The following CDKN2C variants were observed in gnomAD, a reference collection of about 807,000 sequenced individuals.
The protein encoded by CDKN2C is cyclin-dependent kinase 4 inhibitor C.
A neutral mutation model predicts 11.0 loss-of-function variants in CDKN2C; 5 were observed. The observed-to-expected ratio is 0.45, with a 90% confidence interval of 0.24 to 0.95. The LOEUF (loss-of-function observed/expected upper bound fraction) is 0.95. Among genes scored for constraint, CDKN2C ranks in the 40% least tolerant of loss-of-function variants. CDKN2C has a pLI of 0.21. For synonymous variants in CDKN2C, 79 were observed against 88.3 expected (o/e 0.89, Z 0.59); for missense variants, 161 against 211.9 (o/e 0.76, Z 1.49).
At chr1:50,968,057 G>C (rs574899465), upstream of CDKN2C, 2 of 152,508 alleles carry the variant, frequency 1.3e-5, no homozygotes, top group South Asian at 4.1e-4. Context: ...TGAGCACTGT[G>C]CTTAGTGGCA....
intron 1 of CDKN2C, among the ~76,000 whole-genome samples, chr1:50,971,253 G>A (rs1645378515): frequency 6.6e-6 from 1 of 152,180 alleles, no homozygotes; most frequent in Non-Finnish European, 1.5e-5. Flanking sequence ...TGTAACTTAG[G>A]TGAAAGGCTT....
chr1:50,972,884 G>T (rs1645388126), intron 1 of CDKN2C, among the ~76,000 whole-genome samples: 1 of 152,162 alleles, frequency 6.6e-6, no homozygotes. Flanking sequence ...AGGATCACCA[G>T]TTGATTATTA....
intron 1 of CDKN2C, among the ~76,000 whole-genome samples, chr1:50,964,817 AG>A (rs992738368): frequency 6.6e-6 from 1 of 152,138 alleles, no homozygotes; most frequent in African/African-American, 2.4e-5. Flanking sequence ...GCACTTTGGG[AG>A]GCCAAGGTGG....
intron 1 of CDKN2C, among the ~76,000 whole-genome samples, 197 bp downstream of exon 1, chr1:50,970,694 T>C (rs1254921539): frequency 6.6e-6 from 1 of 152,192 alleles, no homozygotes; most frequent in Non-Finnish European, 1.5e-5. Flanking sequence ...TCAAATCCAA[T>C]AACATCCTTG....
chr1:50,967,803 A>G (rs1264329698), upstream of CDKN2C: 1 of 152,240 alleles, frequency 6.6e-6, no homozygotes, highest in African/African-American at 2.4e-5. Context: ...CACATCCCCA[A>G]AATCCAAGCC....
At chr1:50,970,029 G>T, upstream of CDKN2C, 1 of 442,126 alleles carries the variant, frequency 2.3e-6, no homozygotes, top group African/African-American at 1.9e-5. Context: ...TGACAGCTCT[G>T]CCTACATCTG....
chr1:50,973,950 C>T lies in CDKN2C; in HGVS notation c.187C>T (p.Pro63Ser). Reference protein sequence around the residue: ...ARRLLLRGANPDLKDRTGFAV... With the variant: ...ARRLLLRGANSDLKDRTGFAV... ...GAGACTGCTACTTAGAGGTGCTAATCCCGATTTGAAAGACCGAACTGGTTT... is the reference window on the plus strand; with the variant it reads ...GAGACTGCTACTTAGAGGTGCTAATTCCGATTTGAAAGACCGAACTGGTTT... The change falls in exon 2 of 2, where the codon CCC (proline) becomes TCC (serine). Residue 63 changes from proline (P) to serine (S), a missense_variant. Transcript: ENST00000371761. The T allele has an allele frequency of 6.2e-7, 1 of 1,614,190 alleles. No individual in the cohort carries two copies. The highest frequency in any genetic ancestry group is 8.5e-7 in the Non-Finnish European group (1 of 1,180,028).
In CDKN2C at chr1:50,970,402, G is replaced by A. The variant is rs1557608843; in HGVS notation, c.34G>A (p.Ala12Thr). ...GCCTTGGGGGAACGAGTTGGCGTCC[G>A]CAGCTGCCAGGGGGGACCTAGAGCA... ...AEPWGNELASAAARGDLEQLT... is the reference protein window; with the variant it reads ...AEPWGNELASTAARGDLEQLT... Residue 12 changes from alanine (A) to threonine (T), a missense_variant, in exon 1 of 2, where the codon GCA (alanine) becomes ACA (threonine). Transcript: ENST00000371761. 8 of 1,614,128 alleles carry A rather than the reference G, an allele frequency of 5.0e-6. No homozygotes were observed. Among genetic ancestry groups the A allele is most frequent in the Non-Finnish European group, 5.9e-6 (7 of 1,180,020 alleles).
At chr1:50,972,621 T>A (rs3176465) in intron 1 of CDKN2C, among the ~76,000 whole-genome samples, 1,708 of 152,252 alleles carry the variant, frequency 0.011, 23 homozygotes, top group Non-Finnish European at 0.015. Flanking sequence ...ATGTGTGGCA[T>A]GTTAATGAAA....
chr1:50,964,199 G>A (rs1019476613), intron 1 of CDKN2C, among the ~76,000 whole-genome samples: 2 of 152,036 alleles, frequency 1.3e-5, no homozygotes, highest in African/African-American at 4.8e-5. Context: ...TTACACTAAT[G>A]TCCTTTTCTT....
At chr1:50,970,215 T>G, upstream of CDKN2C, 2 of 864,478 alleles carry the variant, frequency 2.3e-6, no homozygotes, top group Non-Finnish European at 3.6e-6. Flanking sequence ...CAGGCAGATC[T>G]TACTAGTATT....
At position 50,970,271 on chromosome 1, in the gene CDKN2C, A is replaced by G; in HGVS notation, c.-98A>G. Reference sequence around the variant, plus strand: ...GATTAACCATCCCAGTCCTTCTGTCAGTCTCCGATGCCATCATGCAGCCTG... The same window carrying G: ...GATTAACCATCCCAGTCCTTCTGTCGGTCTCCGATGCCATCATGCAGCCTG... On this transcript the variant is annotated 5_prime_UTR_variant, in exon 1 of 2. Transcript: ENST00000371761. 6.9e-7 allele frequency: 1 copy of G among 1,451,110 alleles called. No homozygotes were observed. Among genetic ancestry groups the G allele is most frequent in the Middle Eastern group, 2.4e-4 (1 of 4,202 alleles). The allele number at this position is 1,451,110 out of a possible 1,614,324, so 89.9% of individuals were successfully genotyped here.
chr1:50,972,084 T>G (rs1184094614), intron 1 of CDKN2C, among the ~76,000 whole-genome samples: 1 of 152,184 alleles, frequency 6.6e-6, no homozygotes, highest in East Asian at 1.9e-4. Context: ...TAACTCAATT[T>G]CAAAAGCCTT....
intron 1 of CDKN2C, among the ~76,000 whole-genome samples, chr1:50,963,019 G>C (rs1645333090): frequency 6.6e-6 from 1 of 152,252 alleles, no homozygotes; most frequent in African/African-American, 2.4e-5. Flanking sequence ...ATGATCAAAT[G>C]CTTGTGAAAA....
chr1:50,973,782 G>A (rs1645392231), intron 1 of CDKN2C, 111 bp from the exon 2 acceptor site: 2 of 1,342,314 alleles, frequency 1.5e-6, no homozygotes, highest in Admixed American at 3.4e-5. Context: ...TCTTCCGCAA[G>A]AACTCCATCA....
rs956412807 is a variant in CDKN2C, at chr1:50,974,241, G to A, written c.478G>A (p.Gly160Arg). The stretch of plus-strand genomic sequence containing the variant: ...GGTTGTTAGCCTGATGCAGGCAAAC[G>A]GGGCTGGGGGAGCCACAAATCTTCA... ...NEVVSLMQAN[G>R]AGGATNLQ Residue 160 changes from glycine (G) to arginine (R), a missense_variant, in exon 2 of 2, where the codon GGG (glycine) becomes AGG (arginine). By Grantham distance (125) the Gly-to-Arg change is moderately radical. Transcript: ENST00000371761. The A allele has an allele frequency of 8.9e-6, 14 of 1,568,202 alleles. No individual in the cohort carries two copies. Among genetic ancestry groups the A allele is most frequent in the African/African-American group, 8.2e-5 (6 of 73,350 alleles).
chr1:50,963,517 C>T (rs1244487769), intron 1 of CDKN2C, among the ~76,000 whole-genome samples: 1 of 152,138 alleles, frequency 6.6e-6, no homozygotes, highest in Non-Finnish European at 1.5e-5. Flanking sequence ...AGTGACAGAC[C>T]TAGGATTCAA....
In CDKN2C at chr1:50,973,844, C is replaced by G. The variant is rs377188127; in HGVS notation, c.130-49C>G. On this transcript the variant is annotated intron_variant, in intron 1 of 1. Transcript: ENST00000371761. Reference sequence around the variant, plus strand: ...GACAGGCAGATATTTTAAAATATCTCTGTAGCATATGCACTTGAAGGATTC... The same window carrying G: ...GACAGGCAGATATTTTAAAATATCTGTGTAGCATATGCACTTGAAGGATTC... 2.5e-6 allele frequency: 4 copies of G among 1,599,438 alleles called. No homozygotes were observed. In the African/African-American group the frequency reaches 5.4e-5, roughly 21 times the overall value.
chr1:50,969,154 C>G (rs1645365631), upstream of CDKN2C: 1 of 152,500 alleles, frequency 6.6e-6, no homozygotes, highest in Non-Finnish European at 1.5e-5. The surrounding 1 kb of genome is among the most constrained non-coding windows in gnomAD (Gnocchi z 6.6). Flanking sequence ...GAGACGGCGA[C>G]CGGACTGGCT....
Sources: allele counts gnomAD v4.1 joint callset (sites outside exome capture counted in the v4.1 genomes callset), GRCh38; gene constraint gnomAD v4.1.1; non-coding constraint Gnocchi (gnomAD v3.1); transcripts MANE v1.5; gene names NCBI Gene and HGNC (gene_info 2026-07-23, HGNC 2026-07-21).